CDH11: variants seen among roughly 807,000 people sequenced by gnomAD.
The protein encoded by CDH11 is cadherin 11.
CDH11 carries 11 observed loss-of-function variants against 67.8 expected under a neutral mutation model. The ratio of observed to expected loss-of-function variants is 0.16; its 90% CI spans 0.10 to 0.27. The LOEUF is 0.27. Ranked by LOEUF, CDH11 falls within the 10% of genes least tolerant of loss-of-function variation. The pLI, the probability that CDH11 is intolerant of heterozygous loss-of-function variation, is 1.00. For missense variants in CDH11, 847 were observed against 1,031.2 expected (o/e 0.82, Z 2.45); for synonymous variants, 419 against 400.0 (o/e 1.05, Z -0.57).
At chr16:65,034,655 T>C (rs2142636479) in intron 2 of CDH11, among the ~76,000 whole-genome samples, 1 of 152,310 alleles carries the variant, frequency 6.6e-6, no homozygotes, top group Non-Finnish European at 1.5e-5. Flanking sequence ...ATGTATAGCA[T>C]GTAGTAAATG....
chr16:65,045,196 G>A (rs1597128841), intron 2 of CDH11, among the ~76,000 whole-genome samples: 1 of 151,488 alleles, frequency 6.6e-6, no homozygotes, highest in African/African-American at 2.4e-5. Context: ...AGTGTTAAGA[G>A]GTCCAAAATA....
intron 1 of CDH11, among the ~76,000 whole-genome samples, chr16:65,097,121 C>T (rs923072896): frequency 6.6e-6 from 1 of 152,092 alleles, no homozygotes. Context: ...GTTTTACATA[C>T]ACAGAGACAA....
chr16:64,965,765 G>T (rs1195299239), intron 11 of CDH11, among the ~76,000 whole-genome samples: 11 of 138,562 alleles, frequency 7.9e-5, no homozygotes, highest in Non-Finnish European at 1.4e-4. Flanking sequence ...GTTATGCGGT[G>T]CATGAAACAC....
intron 2 of CDH11, among the ~76,000 whole-genome samples, chr16:65,006,597 A>T (rs183067873): frequency 6.6e-6 from 1 of 152,316 alleles, no homozygotes; most frequent in African/African-American, 2.4e-5. Context: ...CAGAGTTGGG[A>T]ACTGGACATG....
intron 3 of CDH11, among the ~76,000 whole-genome samples, chr16:64,999,354 C>A (rs891037186): frequency 6.6e-6 from 1 of 152,130 alleles, no homozygotes; most frequent in Non-Finnish European, 1.5e-5. Context: ...AGGAAATCTA[C>A]ACAGATACAT....
chr16:64,958,888 G>C (rs759200497), intron 11 of CDH11, among the ~76,000 whole-genome samples: 2 of 152,110 alleles, frequency 1.3e-5, no homozygotes, highest in Non-Finnish European at 2.9e-5. Context: ...TCATTCAACA[G>C]CTGTTCCCAT....
At chr16:65,047,055 A>G (rs1316891700) in intron 2 of CDH11, among the ~76,000 whole-genome samples, 1 of 152,172 alleles carries the variant, frequency 6.6e-6, no homozygotes, top group Non-Finnish European at 1.5e-5. Context: ...CAGAAGTTGC[A>G]GTGAGCCAAG....
chr16:65,092,939 C>CTT lies in CDH11; in HGVS notation c.-298+28939_-298+28940dup, dbSNP rs572146359. On this transcript the variant is annotated intron_variant, in intron 1 of 12. Transcript: ENST00000268603. Reference sequence around the variant, plus strand: ...ATTTACAAAACTACAAGTTTGTCTCCTTTTTTTTTTTTTTTTTGATGGACT... The same window carrying CTT: ...ATTTACAAAACTACAAGTTTGTCTCCTTTTTTTTTTTTTTTTTTTGATGGACT... Among the ~76,000 whole-genome samples the CTT allele has an allele frequency of 2.8e-3, 383 of 137,816 alleles. 6 individuals carry two copies. Among genetic ancestry groups the CTT allele is most frequent in the African/African-American group, 9.4e-3 (351 of 37,176 alleles). 90.4% of individuals were successfully genotyped at this position (137,816 alleles called of 152,430 possible).
At chr16:65,035,177 C>A (rs993655437) in intron 2 of CDH11, among the ~76,000 whole-genome samples, 1 of 152,204 alleles carries the variant, frequency 6.6e-6, no homozygotes, top group Non-Finnish European at 1.5e-5. Context: ...ACCTGTCAAT[C>A]GGAGCATCCA....
chr16:65,074,101 G>A (rs1271958695), intron 1 of CDH11, among the ~76,000 whole-genome samples: 1 of 152,136 alleles, frequency 6.6e-6, no homozygotes, highest in Non-Finnish European at 1.5e-5. Flanking sequence ...ATAGAATAAA[G>A]CAAATACCTA....
intron 5 of CDH11, 44 bp from the exon 6 acceptor site, chr16:64,991,979 A>G (rs1360718986): frequency 2.1e-6 from 3 of 1,427,078 alleles, no homozygotes; most frequent in East Asian, 4.6e-5. Context: ...CGTTTATAAC[A>G]TTATGACAAC....
In CDH11 at chr16:64,971,943, T is replaced by A; in HGVS notation, c.1512A>T (p.Pro504=). 1.9e-6 allele frequency: 3 copies of A among 1,613,906 alleles called. No homozygotes were observed. The highest frequency in any genetic ancestry group is 1.7e-6 in the Non-Finnish European group (2 of 1,179,896). The change falls in exon 10 of 13, where the codon CCA becomes CCT. Residue 504 remains proline (P), a synonymous_variant. Coordinates refer to ENST00000268603, the MANE Select transcript of CDH11 (RefSeq NM_001797.4). The stretch of plus-strand genomic sequence containing the variant: ...AAAGCAGGATTACCTGGTTGGAAAG[T>A]GGCTTGGTCTGATCACTCTCACAGA... ...GFICESDQTK[P]LSNQPIVTIS...
chr16:64,992,872 T>C (rs1285283340), intron 5 of CDH11, 43 bp downstream of exon 5: 1 of 1,601,620 alleles, frequency 6.2e-7, no homozygotes, highest in East Asian at 2.2e-5. Context: ...CTGGGACTTC[T>C]TATTCACCAT....
rs1597048931 is a variant in CDH11 at position 64,981,922 on chromosome 16, A to C, written c.1253+126T>G. On this transcript the variant is annotated intron_variant, in intron 8 of 12. Transcript: ENST00000268603. ...TCTTCTAAATCTTAATCTTGTTTAC[A>C]TTCTATTGAACCTGATAAACTTGAA... 1.1e-5 allele frequency: 9 copies of C among 782,910 alleles called. No individual in the cohort carries two copies. In the East Asian group the frequency reaches 2.3e-4, roughly 20 times the overall value. 48.5% of individuals were successfully genotyped at this position (782,910 alleles called of 1,614,324 possible). A position where few individuals can be genotyped will look rare whatever the true frequency, so the allele number is the denominator to read the frequency against.
At chr16:65,106,758 C>A (rs2142871047) in intron 1 of CDH11, among the ~76,000 whole-genome samples, 1 of 152,260 alleles carries the variant, frequency 6.6e-6, no homozygotes, top group East Asian at 1.9e-4. Context: ...TATGCCAGGG[C>A]TGGACAGGAG....
intron 2 of CDH11, among the ~76,000 whole-genome samples, chr16:65,025,594 G>A (rs1217461494): frequency 6.6e-6 from 1 of 152,064 alleles, no homozygotes; most frequent in Non-Finnish European, 1.5e-5. Flanking sequence ...ACCCACCTTG[G>A]CCTCCCAAAG....
intron 1 of CDH11, chr16:65,094,668 T>C (rs1355120515): frequency 6.6e-6 from 1 of 152,122 alleles, no homozygotes; most frequent in East Asian, 1.9e-4. Flanking sequence ...GGTTTCATGA[T>C]CTCCTCCCAG....
chr16:64,979,857 C>G (rs1183824410), intron 8 of CDH11, among the ~76,000 whole-genome samples: 1 of 115,740 alleles, frequency 8.6e-6, no homozygotes. Flanking sequence ...ATGTGGTGCA[C>G]CCATACAATG....
intron 2 of CDH11, among the ~76,000 whole-genome samples, chr16:65,011,409 G>T (rs1452693677): frequency 6.6e-6 from 1 of 152,068 alleles, no homozygotes; most frequent in Non-Finnish European, 1.5e-5. Flanking sequence ...TGTTAGATGT[G>T]ACTTCCACTT....
Sources: gnomAD v4.1 joint callset for allele counts (sites outside exome capture counted in the v4.1 genomes callset) on GRCh38, gnomAD v4.1.1 for gene constraint, MANE v1.5 for transcripts, NCBI Gene and HGNC (gene_info 2026-07-23, HGNC 2026-07-21) for gene names.